Variants in ARHGEF10L observed in about 807,000 individuals in gnomAD.
The protein encoded by ARHGEF10L is Rho guanine nucleotide exchange factor 10 like.
ARHGEF10L carries 69 observed loss-of-function variants against 141.2 expected under a neutral mutation model. The observed-to-expected ratio is 0.49, with a 90% CI of 0.40 to 0.60. The LOEUF (loss-of-function observed/expected upper bound fraction) is 0.60. Among genes scored for constraint, ARHGEF10L ranks in the 20% least tolerant of loss-of-function variants. The probability of loss-of-function intolerance (pLI) is 0.00; values close to 1 mark genes in which losing one functional copy is unlikely to be tolerated. For missense variants in ARHGEF10L, 1,482 were observed against 1,734.3 expected, an observed-to-expected ratio of 0.85 and a Z score of 2.58; for synonymous variants, 711 against 718.5, an observed-to-expected ratio of 0.99 and a Z score of 0.17.
At chr1:17,588,597 A>G in intron 4 of ARHGEF10L, 118 bp downstream of exon 4, 1 of 1,305,552 alleles carries the variant, frequency 7.7e-7, no homozygotes. Context: ...CTAAGGAGGA[A>G]AGCATTTCAC....
intron 1 of ARHGEF10L, among the ~76,000 whole-genome samples, chr1:17,570,461 T>C (rs1473486232): frequency 6.6e-6 from 1 of 151,324 alleles, no homozygotes; most frequent in Non-Finnish European, 1.5e-5. Flanking sequence ...GGCAGAAACA[T>C]GCTTGGGGCA....
intron 4 of ARHGEF10L, among the ~76,000 whole-genome samples, chr1:17,593,995 C>T (rs545237351): frequency 6.1e-4 from 91 of 150,030 alleles, no homozygotes; most frequent in Non-Finnish European, 1.1e-3. Context: ...GCTGACTGGC[C>T]GGTATTCCCC....
At chr1:17,685,157 C>A (rs76987221) in intron 26 of ARHGEF10L, among the ~76,000 whole-genome samples, 2 of 152,192 alleles carry the variant, frequency 1.3e-5, no homozygotes, top group Non-Finnish European at 2.9e-5. Flanking sequence ...TAAGCCCACG[C>A]GAGGTCTTCG....
chr1:17,599,802 A>G (rs2080468257), intron 4 of ARHGEF10L, among the ~76,000 whole-genome samples: 1 of 152,212 alleles, frequency 6.6e-6, no homozygotes. Context: ...TGCTCCTCTA[A>G]TAGGGCAGGT....
At chr1:17,613,534 C>T (rs1239332696) in intron 8 of ARHGEF10L, among the ~76,000 whole-genome samples, 5 of 152,056 alleles carry the variant, frequency 3.3e-5, no homozygotes, top group Non-Finnish European at 7.4e-5. Context: ...GTGCCACTTA[C>T]GTAGGTCTGG....
the ARHGEF10L span, among the ~76,000 whole-genome samples, chr1:17,533,702 T>C: frequency 6.4e-3 from 977 of 152,166 alleles, 3 homozygotes; most frequent in Middle Eastern, 0.014. Context: ...CCAGCCCCCC[T>C]CAAAATGCCT....
intron 15 of ARHGEF10L, among the ~76,000 whole-genome samples, chr1:17,629,654 T>C (rs1239653444): frequency 1.3e-5 from 2 of 152,176 alleles, no homozygotes; most frequent in Non-Finnish European, 2.9e-5. Flanking sequence ...AGGTTGGGCA[T>C]GAGGGGCAGG....
At chr1:17,549,629 G>A (rs1468319815) in intron 1 of ARHGEF10L, among the ~76,000 whole-genome samples, 1 of 152,134 alleles carries the variant, frequency 6.6e-6, no homozygotes. Context: ...AAGCCCTGAG[G>A]CCAGATGAAC....
At chr1:17,525,322 G>T in the ARHGEF10L span, among the ~76,000 whole-genome samples, 11 of 152,192 alleles carry the variant, frequency 7.2e-5, no homozygotes, top group African/African-American at 2.7e-4. Flanking sequence ...TGATAAAAAA[G>T]GTCCCAATGT....
At chr1:17,581,674 C>A (rs2078579869) in intron 2 of ARHGEF10L, among the ~76,000 whole-genome samples, 1 of 152,160 alleles carries the variant, frequency 6.6e-6, no homozygotes, top group South Asian at 2.1e-4. Context: ...GTTTCATCAT[C>A]AGTAAACATG....
intron 6 of ARHGEF10L, among the ~76,000 whole-genome samples, chr1:17,604,116 G>A (rs779881533): frequency 1.3e-4 from 20 of 152,018 alleles, no homozygotes; most frequent in African/African-American, 4.1e-4. Flanking sequence ...AGGAAGAGCC[G>A]TCTTTGCTTG....
At chr1:17,667,881 G>A (rs2063082349) in intron 26 of ARHGEF10L, among the ~76,000 whole-genome samples, 1 of 152,200 alleles carries the variant, frequency 6.6e-6, no homozygotes, top group Non-Finnish European at 1.5e-5. Flanking sequence ...CCTTGCCTGT[G>A]TCCCGGCCAC....
Position 17,697,219 on chromosome 1 carries a change from G to T in ARHGEF10L, c.3679G>T (p.Ala1227Ser), listed in dbSNP as rs766792968. ...CATCTGGGTGCGCAGCCGGCCCTGC[G>T]CCCGCGACGCCCACCGCAAGGAGAT... is the stretch of plus-strand genomic sequence containing the variant. ...PDIWVRSRPC[A>S]RDAHRKEICS... is the part of the protein sequence containing the mutation. The change falls in exon 29 of 29, where the codon GCC (alanine) becomes TCC (serine). Residue 1227 changes from alanine to serine, a missense_variant. By Grantham distance (99) the Ala-to-Ser change is moderately conservative (BLOSUM62 1). This residue lies in a region of ARHGEF10L where 858 missense variants were observed against 966.3 expected (regional missense o/e 0.89). Transcript: ENST00000361221. The surrounding 1 kb of genome is among the most constrained non-coding windows in gnomAD (Gnocchi z 4.8). 1.8e-5 allele frequency: 29 copies of T among 1,611,946 alleles called. No homozygotes were observed. Among genetic ancestry groups the T allele is most frequent in the Non-Finnish European group, 2.3e-5 (27 of 1,179,568 alleles).
At chr1:17,598,630 A>G (rs2080341349) in intron 4 of ARHGEF10L, among the ~76,000 whole-genome samples, 1 of 152,156 alleles carries the variant, frequency 6.6e-6, no homozygotes. Flanking sequence ...CAAAGGCCCC[A>G]CCGCCTAATA....
chr1:17,614,833 C>T (rs1345234558), intron 8 of ARHGEF10L, among the ~76,000 whole-genome samples: 1 of 152,164 alleles, frequency 6.6e-6, no homozygotes, highest in African/African-American at 2.4e-5. Context: ...CCCCTGCTTC[C>T]CCATGCACAG....
At chr1:17,680,237 G>GT (rs2064015270) in intron 26 of ARHGEF10L, among the ~76,000 whole-genome samples, 2 of 152,184 alleles carry the variant, frequency 1.3e-5, no homozygotes, top group Admixed American at 1.3e-4. Flanking sequence ...TAAAGTAGAA[G>GT]CCCCACCAGC....
At chr1:17,532,106 A>G in the ARHGEF10L span, among the ~76,000 whole-genome samples, 2 of 152,128 alleles carry the variant, frequency 1.3e-5, no homozygotes, top group African/African-American at 4.8e-5. Context: ...GTCTCCAGCC[A>G]GGTCTGCTTG....
At chr1:17,538,040 A>G (rs573184514), upstream of ARHGEF10L, among the ~76,000 whole-genome samples, 2 of 152,076 alleles carry the variant, frequency 1.3e-5, no homozygotes, top group South Asian at 4.2e-4. Context: ...TGCCAGCCTG[A>G]GCCACAGGGC....
At chr1:17,650,102 G>A (rs937058972) in intron 22 of ARHGEF10L, among the ~76,000 whole-genome samples, 4 of 152,130 alleles carry the variant, frequency 2.6e-5, no homozygotes, top group African/African-American at 9.7e-5. Flanking sequence ...GTGTGAGAGT[G>A]AATTGCAGAT....
Sources: gnomAD v4.1 joint callset for allele counts (sites outside exome capture counted in the v4.1 genomes callset) on GRCh38, gnomAD v4.1.1 for gene constraint, gnomAD v4.1.1 regional missense constraint, Gnocchi (gnomAD v3.1) non-coding constraint, MANE v1.5 for transcripts, NCBI Gene and HGNC (gene_info 2026-07-23, HGNC 2026-07-21) for gene names.